ZNF451: variants seen among roughly 807,000 people sequenced by gnomAD.
The protein encoded by ZNF451 is zinc finger protein 451, also known as E3 SUMO-protein ligase ZNF451.
Under a neutral mutation model 107.1 loss-of-function variants are expected in ZNF451, and 80 were observed. The observed-to-expected ratio is 0.75, with a 90% CI of 0.62 to 0.90. ZNF451 has a LOEUF of 0.90. Among genes scored for constraint, ZNF451 ranks in the 40% least tolerant of loss-of-function variants. The pLI is 0.00. For missense variants in ZNF451, 1,107 were observed against 1,236.2 expected (o/e 0.90, Z 1.57); for synonymous variants, 362 against 406.5 (o/e 0.89, Z 1.32).
At chr6:57,114,158 A>C (rs1830255346) in intron 3 of ZNF451, among the ~76,000 whole-genome samples, 1 of 152,220 alleles carries the variant, frequency 6.6e-6, no homozygotes, top group African/African-American at 2.4e-5. Context: ...TTTTGAGCAC[A>C]TTTGTTAAAC....
chr6:57,159,643 A>T (rs1763583447), intron 13 of ZNF451, among the ~76,000 whole-genome samples: 1 of 151,258 alleles, frequency 6.6e-6, no homozygotes, highest in Non-Finnish European at 1.5e-5. Flanking sequence ...CGAGCCAAAG[A>T]TTGGACACCC....
chr6:57,134,747 C>T lies in ZNF451; in HGVS notation c.579C>T (p.Phe193=), dbSNP rs553810275. 16 of 1,611,908 alleles carry T rather than the reference C, an allele frequency of 9.9e-6. No individual in the cohort carries two copies. Among genetic ancestry groups the T allele is most frequent in the African/African-American group, 2.7e-5 (2 of 74,974 alleles). The change falls in exon 7 of 15, where the codon TTC becomes TTT. Residue 193 remains phenylalanine (F), a synonymous_variant. Coordinates refer to ENST00000370706, the MANE Select transcript of ZNF451 (RefSeq NM_001031623.3). ...GHLLLGHLKR[F]DHSPCDPTIT... The stretch of plus-strand genomic sequence containing the variant: ...TCTTACCTCTTTTGCTGAGTAGGTT[C>T]GATCACTCTCCATGTGATCCAACAA...
At chr6:57,104,694 C>T in intron 3 of ZNF451, 10 of 985,308 alleles carry the variant, frequency 1.0e-5, no homozygotes, top group Non-Finnish European at 1.2e-5. Context: ...CATTGTTGCG[C>T]AGCTCCTCCA....
rs577668711 is a variant in ZNF451, at chr6:57,134,967, G to A, written c.702+97G>A. 70 of 971,198 alleles carry A rather than the reference G, an allele frequency of 7.2e-5. 2 individuals are homozygous for A. In the South Asian group the frequency reaches 1.2e-3, roughly 17 times the overall value. 60.2% of individuals were successfully genotyped at this position (971,198 alleles called of 1,614,324 possible). A position where few individuals can be genotyped will look rare whatever the true frequency, so the allele number is the denominator to read the frequency against. On this transcript the variant is annotated intron_variant, in intron 7 of 14. Coordinates refer to ENST00000370706, the MANE Select transcript of ZNF451 (RefSeq NM_001031623.3). The stretch of plus-strand genomic sequence containing the variant: ...GCTGTTCTTAAGCTTGCAATTACCA[G>A]TGATACACATAAGTATCAAAACTGT...
intron 2 of ZNF451, among the ~76,000 whole-genome samples, chr6:57,096,406 A>C (rs1829314682): frequency 6.7e-6 from 1 of 150,254 alleles, no homozygotes; most frequent in Non-Finnish European, 1.5e-5. Flanking sequence ...GGCTGGTCTC[A>C]AATTCCTGAC....
intron 3 of ZNF451, 39 bp from the exon 4 acceptor site, chr6:57,124,695 A>G (rs1232170058): frequency 7.0e-7 from 1 of 1,434,776 alleles, no homozygotes; most frequent in Non-Finnish European, 9.7e-7. Context: ...CCAAATGCTA[A>G]TTTTGTTAAA....
At chr6:57,152,915 T>C (rs1054653550) in intron 12 of ZNF451, among the ~76,000 whole-genome samples, 2 of 152,270 alleles carry the variant, frequency 1.3e-5, no homozygotes, top group South Asian at 2.1e-4. Context: ...ATTTGATATA[T>C]ATTAAGACAC....
At chr6:57,149,128 C>T (rs1055025196) in intron 10 of ZNF451, among the ~76,000 whole-genome samples, 2 of 152,068 alleles carry the variant, frequency 1.3e-5, no homozygotes, top group African/African-American at 4.8e-5. Flanking sequence ...AAGGTCATTT[C>T]AGCATTTGTA....
At chr6:57,132,547 C>T (rs1831228188) in intron 5 of ZNF451, among the ~76,000 whole-genome samples, 1 of 152,150 alleles carries the variant, frequency 6.6e-6, no homozygotes, top group South Asian at 2.1e-4. Flanking sequence ...TTGAGAGACC[C>T]TGTCTCTACA....
At chr6:57,138,808 TGAGA>T (rs1831602774) in intron 7 of ZNF451, among the ~76,000 whole-genome samples, 3 of 135,792 alleles carry the variant, frequency 2.2e-5, no homozygotes, top group Non-Finnish European at 3.2e-5. Flanking sequence ...TTTTTTTTTT[TGAGA>T]GAGAGGTGGT....
intron 3 of ZNF451, chr6:57,103,872 C>T: frequency 1.0e-6 from 1 of 985,318 alleles, no homozygotes; most frequent in Non-Finnish European, 1.2e-6. Context: ...TAACCATATT[C>T]AGCACCCATT....
chr6:57,115,065 G>T (rs563012614), intron 3 of ZNF451: 3 of 152,234 alleles, frequency 2.0e-5, no homozygotes, highest in African/African-American at 7.2e-5. Flanking sequence ...TTCAAGTCCA[G>T]CTTGGGCAAT....
At chr6:57,105,022 C>G (rs967487231) in intron 3 of ZNF451, 1 of 983,184 alleles carries the variant, frequency 1.0e-6, no homozygotes, top group Non-Finnish European at 1.2e-6. Context: ...TTTAAAATCT[C>G]TGGCATACTT....
At chr6:57,124,192 G>A (rs1318965621) in intron 3 of ZNF451, among the ~76,000 whole-genome samples, 1 of 152,096 alleles carries the variant, frequency 6.6e-6, no homozygotes, top group African/African-American at 2.4e-5. Context: ...ACTTTGCTGA[G>A]AGTTTTTATC....
intron 3 of ZNF451, chr6:57,103,972 C>T (rs1053609172): frequency 1.5e-5 from 15 of 985,190 alleles, no homozygotes; most frequent in African/African-American, 7.0e-5. Context: ...CAGTTAATTT[C>T]AGGGTACTGT....
intron 7 of ZNF451, 122 bp from the exon 8 acceptor site, chr6:57,141,180 C>G (rs573771419): frequency 1.3e-6 from 1 of 758,156 alleles, no homozygotes; most frequent in Non-Finnish European, 1.9e-6. Context: ...GAACATCTTT[C>G]ATGTTAAAAA....
At chr6:57,097,059 C>T (rs901901146) in intron 2 of ZNF451, among the ~76,000 whole-genome samples, 11 of 152,036 alleles carry the variant, frequency 7.2e-5, no homozygotes, top group Non-Finnish European at 1.3e-4. Flanking sequence ...TGTGAGCCAC[C>T]GTGCATGGCC....
rs1177046398 is a variant in ZNF451, at chr6:57,147,693, C to G, written c.1608C>G (p.Cys536Trp). 3.7e-6 allele frequency: 6 copies of G among 1,613,628 alleles called. No homozygotes were observed. The highest frequency in any genetic ancestry group is 2.7e-5 in the African/African-American group (2 of 74,824). The change falls in exon 10 of 15, where the codon TGC (cysteine) becomes TGG (tryptophan). Residue 536 changes from cysteine to tryptophan, a missense_variant. Transcript: ENST00000370706. ...ACTTTCTTTTCTGGTGTCGGACATGCAAAAAGGAGTTAACAAGGAAAGATA... is the reference window on the plus strand; with the variant it reads ...ACTTTCTTTTCTGGTGTCGGACATGGAAAAAGGAGTTAACAAGGAAAGATA... ...LNNFLFWCRT[C>W]KKELTRKDTI...
chr6:57,162,326 A>C (rs1763704850), intron 14 of ZNF451, among the ~76,000 whole-genome samples: 1 of 152,312 alleles, frequency 6.6e-6, no homozygotes, highest in East Asian at 1.9e-4. Context: ...AGCATACTAG[A>C]ACTTTATGCT....
Sources: allele counts gnomAD v4.1 joint callset (sites outside exome capture counted in the v4.1 genomes callset), GRCh38; gene constraint gnomAD v4.1.1; transcripts MANE v1.5; gene names NCBI Gene and HGNC (gene_info 2026-07-23, HGNC 2026-07-21).